PHF24: variants seen among roughly 807,000 people sequenced by gnomAD.
PHF24 encodes the protein Galpha inhibitory interacting protein.
PHF24 carries 25 observed loss-of-function variants against 42.6 expected under a neutral mutation model. The observed-to-expected ratio is 0.59, with a 90% confidence interval of 0.43 to 0.82. PHF24 has a LOEUF of 0.82. Among genes scored for constraint, PHF24 ranks in the 40% least tolerant of loss-of-function variants. The pLI, the probability that PHF24 is intolerant of heterozygous loss-of-function variation, is 0.00. For missense variants in PHF24, 470 were observed against 538.1 expected (o/e 0.87, Z 1.25); for synonymous variants, 185 against 204.8 (o/e 0.90, Z 0.83).
intron 1 of PHF24, among the ~76,000 whole-genome samples, chr9:34,965,086 G>A (rs1328203165): frequency 6.6e-6 from 1 of 152,110 alleles, no homozygotes; most frequent in African/African-American, 2.4e-5. Context: ...CACAGGAGAG[G>A]CCAGGTTTTT....
the PHF24 span, among the ~76,000 whole-genome samples, chr9:34,841,868 C>G: frequency 1.5e-3 from 229 of 152,266 alleles, 1 homozygote; most frequent in African/African-American, 5.2e-3. Flanking sequence ...AAAAAACAAA[C>G]AAAGAGTGAA....
At chr9:34,759,659 T>C in the PHF24 span, among the ~76,000 whole-genome samples, 3 of 152,162 alleles carry the variant, frequency 2.0e-5, no homozygotes, top group African/African-American at 7.2e-5. Flanking sequence ...AACAGTTCTA[T>C]CACCCGTTAG....
At chr9:34,972,154 A>C (rs1827014138) in intron 2 of PHF24, among the ~76,000 whole-genome samples, 192 bp from the exon 3 acceptor site, 1 of 152,230 alleles carries the variant, frequency 6.6e-6, no homozygotes, top group Non-Finnish European at 1.5e-5. Flanking sequence ...TCACAAAGAC[A>C]TGAGCAGCTG....
the PHF24 span, among the ~76,000 whole-genome samples, chr9:34,871,257 C>A: frequency 2.0e-5 from 3 of 152,130 alleles, no homozygotes; most frequent in African/African-American, 7.2e-5. Flanking sequence ...GTGAGGAGTC[C>A]AAGTCTTTTG....
the PHF24 span, among the ~76,000 whole-genome samples, chr9:34,933,427 C>T: frequency 5.6e-3 from 859 of 152,076 alleles, 10 homozygotes; most frequent in African/African-American, 0.02. Flanking sequence ...AATTTTATTT[C>T]AAAAAACCTG....
the PHF24 span, chr9:34,666,050 C>T: frequency 1.3e-5 from 4 of 303,636 alleles, no homozygotes; most frequent in South Asian, 3.6e-5. Flanking sequence ...GGAAACGGAC[C>T]GTTACTATTA....
At chr9:34,922,232 C>A in the PHF24 span, 5 of 1,592,132 alleles carry the variant, frequency 3.1e-6, no homozygotes, top group East Asian at 1.1e-4. Context: ...CTCGGGTATC[C>A]GATGTCCACA....
the PHF24 span, among the ~76,000 whole-genome samples, chr9:34,828,994 G>A: frequency 4.2e-5 from 6 of 142,710 alleles, no homozygotes; most frequent in Non-Finnish European, 9.4e-5. Flanking sequence ...GGACTATCAG[G>A]CTTCTGTGTT....
chr9:34,966,673 C>A (rs1049081044), intron 1 of PHF24, among the ~76,000 whole-genome samples: 3 of 151,654 alleles, frequency 2.0e-5, no homozygotes, highest in African/African-American at 7.3e-5. Context: ...CAGTAATTTC[C>A]CTATTGAGGT....
chr9:34,840,400 T>A, the PHF24 span, among the ~76,000 whole-genome samples: 1 of 146,804 alleles, frequency 6.8e-6, no homozygotes, highest in Admixed American at 6.8e-5. Flanking sequence ...GATACTTTTC[T>A]CTCTAATTTC....
At chr9:34,775,272 A>G in the PHF24 span, among the ~76,000 whole-genome samples, 1 of 152,192 alleles carries the variant, frequency 6.6e-6, no homozygotes, top group Admixed American at 6.5e-5. Context: ...ATTTTATACT[A>G]AGTGATATAA....
chr9:34,822,201 T>C, the PHF24 span, among the ~76,000 whole-genome samples: 1 of 152,192 alleles, frequency 6.6e-6, no homozygotes, highest in South Asian at 2.1e-4. Flanking sequence ...AAAGAGATCT[T>C]ACATTTACCG....
At chr9:34,817,211 ATGTT>A in the PHF24 span, among the ~76,000 whole-genome samples, 18 of 152,068 alleles carry the variant, frequency 1.2e-4, no homozygotes, top group African/African-American at 3.4e-4. Flanking sequence ...GGCTCTTTAT[ATGTT>A]TGTTTGACCA....
At chr9:34,899,676 G>A in the PHF24 span, among the ~76,000 whole-genome samples, 3 of 152,104 alleles carry the variant, frequency 2.0e-5, no homozygotes, top group Admixed American at 2.0e-4. Flanking sequence ...AACCACCAGA[G>A]CTCACACAGC....
At chr9:34,726,706 C>A in the PHF24 span, 8 of 1,551,684 alleles carry the variant, frequency 5.2e-6, no homozygotes, top group Admixed American at 2.0e-5. Context: ...TTAAAGATTT[C>A]TGATCTGTTA....
chr9:34,768,724 C>T, the PHF24 span, among the ~76,000 whole-genome samples: 1 of 152,066 alleles, frequency 6.6e-6, no homozygotes, highest in African/African-American at 2.4e-5. Context: ...CTCTTCATTG[C>T]CTTTGTTTGG....
chr9:34,901,475 A>AAATT, the PHF24 span, among the ~76,000 whole-genome samples: 2 of 152,236 alleles, frequency 1.3e-5, no homozygotes, highest in Admixed American at 6.5e-5. Flanking sequence ...TTCCACAAAA[A>AAATT]AATTATAAGG....
chr9:34,680,653 A>T, the PHF24 span, among the ~76,000 whole-genome samples: 1 of 148,116 alleles, frequency 6.8e-6, no homozygotes, highest in Non-Finnish European at 1.5e-5. Context: ...CCGCCACTGC[A>T]CTCCAGCCTG....
the PHF24 span, among the ~76,000 whole-genome samples, chr9:34,801,684 G>A: frequency 5.3e-5 from 8 of 151,810 alleles, no homozygotes; most frequent in Non-Finnish European, 2.9e-5. Context: ...CTGAGGTCGC[G>A]CCACTGCACT....
Sources: gnomAD v4.1 joint callset for allele counts (sites outside exome capture counted in the v4.1 genomes callset) on GRCh38, gnomAD v4.1.1 for gene constraint, MANE v1.5 for transcripts, NCBI Gene and HGNC (gene_info 2026-07-23, HGNC 2026-07-21) for gene names.